The following RGS6 variants were observed in gnomAD, a reference collection of about 807,000 sequenced individuals.
The protein encoded by RGS6 is regulator of G protein signaling 6, also known as regulator of G-protein signaling 6.
RGS6 carries 30 observed loss-of-function variants against 78.5 expected under a neutral mutation model. That is an observed-to-expected ratio of 0.38 (90% CI 0.29 to 0.52). The LOEUF (loss-of-function observed/expected upper bound fraction) is 0.52, where lower values mean the gene tolerates loss of function less well. RGS6 is among the 20% of genes least tolerant of loss of function. The probability of loss-of-function intolerance (pLI) is 0.85; values close to 1 mark genes in which losing one functional copy is unlikely to be tolerated. For missense variants in RGS6, 495 were observed against 609.7 expected (o/e 0.81, Z 1.98); for synonymous variants, 206 against 206.0 (o/e 1.00, Z 0.00).
chr14:71,957,731 T>C (rs890238203), intron 1 of RGS6, among the ~76,000 whole-genome samples: 8 of 152,274 alleles, frequency 5.3e-5, no homozygotes, highest in African/African-American at 9.6e-5. Flanking sequence ...TAGCTTAATT[T>C]TTAGAAACTT....
chr14:72,272,432 C>T (rs1304574965), intron 2 of RGS6, among the ~76,000 whole-genome samples: 1 of 152,204 alleles, frequency 6.6e-6, no homozygotes, highest in African/African-American at 2.4e-5. Context: ...CTCTGGGCCT[C>T]TGTAAAAAAT....
At position 72,540,148 on chromosome 14, in the gene RGS6, T is replaced by TTTC. The variant is rs201831492; in HGVS notation, c.1422+63_1422+65dup. ...CTTTTCTTTTGGTTTTGGTTTTTTC[T>TTTC]TTCTTCTTCTTTTTTTTTTTTTTCC... On this transcript the variant is annotated intron_variant, in intron 17 of 17. Transcript: ENST00000553525. 2,328 of 1,538,166 alleles carry TTTC rather than the reference T, an allele frequency of 1.5e-3. 20 individuals carry two copies. In the African/African-American group the frequency reaches 0.027, roughly 18 times the overall value.
At chr14:71,954,502 C>T (rs992828302) in intron 1 of RGS6, among the ~76,000 whole-genome samples, 4 of 152,108 alleles carry the variant, frequency 2.6e-5, no homozygotes, top group Non-Finnish European at 5.9e-5. Context: ...TATCTTGATA[C>T]AGGTATGCAA....
At chr14:72,491,332 G>A (rs1470762305) in intron 12 of RGS6, among the ~76,000 whole-genome samples, 1 of 110,870 alleles carries the variant, frequency 9.0e-6, no homozygotes, top group Admixed American at 1.1e-4. Context: ...ACAGCACTAT[G>A]TATATTAAAA....
At chr14:71,961,984 G>C (rs2093234440) in intron 1 of RGS6, among the ~76,000 whole-genome samples, 2 of 152,094 alleles carry the variant, frequency 1.3e-5, no homozygotes, top group Non-Finnish European at 2.9e-5. Context: ...AATTTAATTA[G>C]AAAATCTTTA....
At chr14:72,539,878 C>T (rs571232328) in intron 16 of RGS6, among the ~76,000 whole-genome samples, 163 bp from the exon 17 acceptor site, 141 of 152,350 alleles carry the variant, frequency 9.3e-4, no homozygotes, top group African/African-American at 3.3e-3. Flanking sequence ...CCCATTGACT[C>T]TTCCAACAGC....
the RGS6 span, among the ~76,000 whole-genome samples, chr14:72,585,318 A>G: frequency 2.3e-4 from 35 of 152,352 alleles, no homozygotes; most frequent in Admixed American, 2.0e-3. Context: ...AGACTTCTCA[A>G]GCCAGGAGGA....
chr14:72,435,151 A>G (rs1232703002), intron 3 of RGS6, among the ~76,000 whole-genome samples: 1 of 152,230 alleles, frequency 6.6e-6, no homozygotes, highest in African/African-American at 2.4e-5. Flanking sequence ...CGTAATTGGA[A>G]TCCTTTTTGA....
At chr14:72,587,942 A>T in the RGS6 span, among the ~76,000 whole-genome samples, 1 of 152,200 alleles carries the variant, frequency 6.6e-6, no homozygotes, top group Admixed American at 6.5e-5. Context: ...ATCATCGGCC[A>T]GTAAGAGATG....
the RGS6 span, among the ~76,000 whole-genome samples, chr14:71,913,147 A>G: frequency 6.6e-6 from 1 of 152,140 alleles, no homozygotes; most frequent in African/African-American, 2.4e-5. Flanking sequence ...TTTTTTACAT[A>G]AAGAGCCAGA....
intron 2 of RGS6, among the ~76,000 whole-genome samples, chr14:72,099,121 G>A (rs1219752793): frequency 6.6e-6 from 1 of 152,134 alleles, no homozygotes; most frequent in Non-Finnish European, 1.5e-5. Context: ...ACAACTCTGA[G>A]ATGGGTGCTT....
At chr14:72,302,760 G>A (rs1391930884) in intron 2 of RGS6, among the ~76,000 whole-genome samples, 3 of 152,018 alleles carry the variant, frequency 2.0e-5, no homozygotes, top group Admixed American at 1.3e-4. Context: ...AGTTTCTGTG[G>A]TACAGCCATG....
chr14:72,172,929 C>G (rs1567376325), intron 2 of RGS6, among the ~76,000 whole-genome samples: 3 of 152,210 alleles, frequency 2.0e-5, no homozygotes, highest in Admixed American at 1.3e-4. Context: ...CCAGGCTTTT[C>G]TTGCTCTAAA....
intron 2 of RGS6, among the ~76,000 whole-genome samples, chr14:72,258,163 G>A (rs2057439499): frequency 1.3e-5 from 2 of 152,128 alleles, no homozygotes; most frequent in Admixed American, 1.3e-4. Flanking sequence ...TCATAAAACT[G>A]CACAATGGCC....
At chr14:72,047,758 G>A (rs556649852) in intron 2 of RGS6, among the ~76,000 whole-genome samples, 1 of 151,676 alleles carries the variant, frequency 6.6e-6, no homozygotes, top group Non-Finnish European at 1.5e-5. Context: ...ATGGAATCTC[G>A]CTCTTGTCAC....
At chr14:72,395,499 T>G (rs2091008812) in intron 3 of RGS6, among the ~76,000 whole-genome samples, 1 of 152,096 alleles carries the variant, frequency 6.6e-6, no homozygotes. Flanking sequence ...AGAGGAATTC[T>G]GACCCTCATA....
Position 72,518,171 on chromosome 14 carries a change from A to G in RGS6, c.1092-180A>G, listed in dbSNP as rs2189810. On this transcript the variant is annotated intron_variant, in intron 14 of 17. Coordinates refer to ENST00000553525, the MANE Select transcript of RGS6 (RefSeq NM_001204424.2). ...ATGCAATTCTTTTCTGTTCTGCACC[A>G]TAGGAACACCTTTGATGTTTTCACA... Among the ~76,000 whole-genome samples the G allele has an allele frequency of 0.44, 66,688 of 152,102 alleles. 16,216 individuals carry two copies. Among genetic ancestry groups the G allele is most frequent in the East Asian group, 0.78 (4,050 of 5,168 alleles).
chr14:72,059,852 G>C (rs1324474655), intron 2 of RGS6, among the ~76,000 whole-genome samples: 1 of 152,162 alleles, frequency 6.6e-6, no homozygotes, highest in Admixed American at 6.5e-5. Flanking sequence ...CTAGAAGCCA[G>C]ACACTGCCTG....
intron 2 of RGS6, among the ~76,000 whole-genome samples, chr14:72,140,658 A>G (rs1177868686): frequency 2.0e-5 from 3 of 152,250 alleles, no homozygotes; most frequent in African/African-American, 7.2e-5. Context: ...AAAACAACAC[A>G]TCTGAGTAAA....
Sources: allele counts gnomAD v4.1 joint callset (sites outside exome capture counted in the v4.1 genomes callset), GRCh38; gene constraint gnomAD v4.1.1; transcripts MANE v1.5; gene names NCBI Gene and HGNC (gene_info 2026-07-23, HGNC 2026-07-21).